ARL2: variants seen among roughly 807,000 people sequenced by gnomAD.
ARL2 encodes ARF like GTPase 2, also known as ADP-ribosylation factor-like protein 2.
ARL2 carries 11 observed loss-of-function variants against 22.0 expected under a neutral mutation model. The ratio of observed to expected loss-of-function variants is 0.50; its 90% CI spans 0.31 to 0.83. The LOEUF is 0.83. ARL2 is among the 40% of genes least tolerant of loss of function. The pLI is 0.04. For missense variants in ARL2, 216 were observed against 243.2 expected, an observed-to-expected ratio of 0.89 and a Z score of 0.74; for synonymous variants, 111 against 100.8, an observed-to-expected ratio of 1.10 and a Z score of -0.61.
At position 65,018,990 on chromosome 11, in the gene ARL2, C is replaced by G. The variant is rs1184323105; in HGVS notation, c.339+257C>G. The G allele has an allele frequency of 8.4e-6, 12 of 1,420,806 alleles. 1 individual carries two copies. The South Asian group carries it at 8.6e-5, about 10-fold the overall frequency. The allele number at this position is 1,420,806 out of a possible 1,614,324, so 88.0% of individuals were successfully genotyped here. On this transcript the variant is annotated intron_variant, in intron 3 of 4. Coordinates refer to ENST00000246747, the MANE Select transcript of ARL2 (RefSeq NM_001667.4). The surrounding 1 kb of genome is among the most constrained non-coding windows in gnomAD (Gnocchi z 4.2). ...GCCTTGAAATGGTGATGATGACACC[C>G]ACATCACTGGGCTTTAGGGAGGATA...
chr11:65,019,740 T>A (rs1299234025), intron 3 of ARL2, among the ~76,000 whole-genome samples: 4 of 152,210 alleles, frequency 2.6e-5, no homozygotes, highest in Admixed American at 6.5e-5. Context: ...TGTGTTCCAA[T>A]GTTTGATTCA....
At chr11:65,014,459 C>T (rs1056329573) in intron 1 of ARL2, among the ~76,000 whole-genome samples, 187 bp downstream of exon 1, 3 of 152,168 alleles carry the variant, frequency 2.0e-5, no homozygotes, top group African/African-American at 7.2e-5. Flanking sequence ...GGGGCAGGGG[C>T]CAGCTCCGAG....
chr11:65,021,925 T>C lies in ARL2; in HGVS notation c.*70T>C. On this transcript the variant is annotated 3_prime_UTR_variant, in exon 5 of 5. Transcript: ENST00000246747. ...TTCACCAAACACTACCCATGGGGGGTTGGGAGTCAGCCGGCCAAACTAACA... is the reference window on the plus strand; with the variant it reads ...TTCACCAAACACTACCCATGGGGGGCTGGGAGTCAGCCGGCCAAACTAACA... 8 of 1,558,576 alleles carry C rather than the reference T, an allele frequency of 5.1e-6. No homozygotes were observed. The highest frequency in any genetic ancestry group is 7.0e-6 in the Non-Finnish European group (8 of 1,150,856).
chr11:65,016,643 CTG>C (rs1289687468), intron 1 of ARL2, among the ~76,000 whole-genome samples: 1 of 151,784 alleles, frequency 6.6e-6, no homozygotes, highest in Non-Finnish European at 1.5e-5. Flanking sequence ...GATGAGAACC[CTG>C]TGTGTGCCTG....
In ARL2 at chr11:65,018,949, G is replaced by C; in HGVS notation, c.339+216G>C. On this transcript the variant is annotated intron_variant, in intron 3 of 4. Coordinates refer to ENST00000246747, the MANE Select transcript of ARL2 (RefSeq NM_001667.4). The surrounding 1 kb of genome is among the most constrained non-coding windows in gnomAD (Gnocchi z 4.2). ...TGTGGTGTTACTACGTCACTACCCT[G>C]AGCATCAGTTTCTATGCCTTGAAAT... 1 of 1,515,954 alleles carries C rather than the reference G, an allele frequency of 6.6e-7. No individual in the cohort carries two copies. Among genetic ancestry groups the C allele is most frequent in the South Asian group, 1.2e-5 (1 of 82,960 alleles). 93.9% of individuals were successfully genotyped at this position (1,515,954 alleles called of 1,614,324 possible).
At chr11:65,016,585 C>A (rs1489032902) in intron 1 of ARL2, among the ~76,000 whole-genome samples, 1 of 151,812 alleles carries the variant, frequency 6.6e-6, no homozygotes. Flanking sequence ...GGTGAGGAAC[C>A]ATTTGCTGAG....
intron 1 of ARL2, 93 bp downstream of exon 1, chr11:65,014,365 C>A: frequency 8.9e-7 from 1 of 1,124,742 alleles, no homozygotes; most frequent in Non-Finnish European, 1.2e-6. Flanking sequence ...ACGCGGCGGC[C>A]GGCGCGTCCC....
Position 65,018,582 on chromosome 11 carries a change from A to C in ARL2, c.188A>C (p.Asn63Thr). 6.2e-7 allele frequency: 1 copy of C among 1,610,574 alleles called. No homozygotes were observed. Residue 63 changes from asparagine (N) to threonine (T), a missense_variant, in exon 3 of 5, where the codon AAC (asparagine) becomes ACC (threonine). By Grantham distance (65) the Asn-to-Thr change is moderately conservative. Transcript: ENST00000246747. This position sits in a 1 kb window ranked among gnomAD's most constrained non-coding sequence, Gnocchi z 4.2. ...KTLEHRGFKL[N>T]IWDVGGQKSL... ...CGCTCCTTGCCCAGATTCAAGCTGA[A>C]CATCTGGGATGTGGGTGGCCAGAAG... is the stretch of plus-strand genomic sequence containing the variant.
At chr11:65,016,268 CGGGGG>C (rs59272641) in intron 1 of ARL2, among the ~76,000 whole-genome samples, 1 of 79,144 alleles carries the variant, frequency 1.3e-5, no homozygotes, top group South Asian at 4.2e-4. Flanking sequence ...TATAGCAATT[CGGGGG>C]GGGGGGAAAC....
At position 65,018,403 on chromosome 11, in the gene ARL2, G is replaced by A; in HGVS notation, c.105G>A (p.Lys35=). 1 of 1,609,302 alleles carries A rather than the reference G, an allele frequency of 6.2e-7. No individual in the cohort carries two copies. The highest frequency in any genetic ancestry group is 2.2e-5 in the East Asian group (1 of 44,798). Residue 35 remains lysine, a synonymous_variant, in exon 2 of 5, where the codon AAG becomes AAA. Transcript: ENST00000246747. The surrounding 1 kb of genome is among the most constrained non-coding windows in gnomAD (Gnocchi z 4.2). ...DNAGKTTILK[K]FNGEDIDTIS... ...CTGGAAAGACAACCATCCTGAAGAA[G>A]TTCAATGGGGAGGACATCGACACCA... is the stretch of plus-strand genomic sequence containing the variant.
In ARL2 at chr11:65,018,781, T is replaced by A. The variant is rs752992346; in HGVS notation, c.339+48T>A. ...GTACATGTATGGACGTGTGGCTGCC[T>A]TCTCAGCAGATGCCCAGAGGGGCCC... On this transcript the variant is annotated intron_variant, in intron 3 of 4. Coordinates refer to ENST00000246747, the MANE Select transcript of ARL2 (RefSeq NM_001667.4). The surrounding 1 kb of genome is among the most constrained non-coding windows in gnomAD (Gnocchi z 4.2). The A allele has an allele frequency of 1.9e-6, 3 of 1,608,314 alleles. No individual in the cohort carries two copies. In the South Asian group the frequency reaches 3.3e-5, roughly 18 times the overall value.
chr11:65,020,132 G>A (rs754201473), intron 3 of ARL2, among the ~76,000 whole-genome samples: 1 of 152,172 alleles, frequency 6.6e-6, no homozygotes, highest in African/African-American at 2.4e-5. Flanking sequence ...ATCATCTTAT[G>A]CAACACCCCT....
chr11:65,016,003 T>C (rs1220582942), intron 1 of ARL2, among the ~76,000 whole-genome samples: 1 of 151,986 alleles, frequency 6.6e-6, no homozygotes. Context: ...GTCAGGAGTT[T>C]TGAGACCAGT....
At chr11:65,014,763 G>A (rs1303442320) in intron 1 of ARL2, among the ~76,000 whole-genome samples, 1 of 152,208 alleles carries the variant, frequency 6.6e-6, no homozygotes, top group African/African-American at 2.4e-5. Context: ...CGCGGCCCGT[G>A]GTTGTCCCTG....
Position 65,020,495 on chromosome 11 carries a change from G to A in ARL2, c.416G>A (p.Arg139His), listed in dbSNP as rs746418004. 99 of 1,608,980 alleles carry A rather than the reference G, an allele frequency of 6.2e-5. No individual in the cohort carries two copies. Among genetic ancestry groups the A allele is most frequent in the Non-Finnish European group, 7.9e-5 (93 of 1,177,444 alleles). ...LPGALSSNAIREVLELDSIRS... is the reference protein window; with the variant it reads ...LPGALSSNAIHEVLELDSIRS... ...GGAGCACTGTCCTCTAACGCCATCC[G>A]CGAGGTGAGTCCAGGCCCCGGGACA... Residue 139 changes from arginine (R) to histidine (H), a missense_variant, in exon 4 of 5, where the codon CGC becomes CAC. Physicochemically the swap from Arg to His is conservative, Grantham distance 29. Transcript: ENST00000246747.
chr11:65,018,438 C>T lies in ARL2; in HGVS notation c.140C>T (p.Thr47Met). The T allele has an allele frequency of 3.7e-6, 6 of 1,609,200 alleles. No homozygotes were observed. The highest frequency in any genetic ancestry group is 2.2e-5 in the East Asian group (1 of 44,754). ...GAGGACATCGACACCATCTCCCCAA[C>T]GCTGGGCTTCAACATCAAGACCCTG... is the stretch of plus-strand genomic sequence containing the variant. ...NGEDIDTISP[T>M]LGFNIKTLEH... Residue 47 changes from threonine (T) to methionine (M), a missense_variant, in exon 2 of 5, where the codon ACG (threonine) becomes ATG (methionine). Physicochemically the swap from Thr to Met is moderately conservative, Grantham distance 81. Coordinates refer to ENST00000246747, the MANE Select transcript of ARL2 (RefSeq NM_001667.4). The surrounding 1 kb of genome is among the most constrained non-coding windows in gnomAD (Gnocchi z 4.2).
chr11:65,016,212 A>AG (rs1217610462), intron 1 of ARL2, among the ~76,000 whole-genome samples: 2 of 147,760 alleles, frequency 1.4e-5, no homozygotes, highest in East Asian at 4.1e-4. Flanking sequence ...TGTTAAAAAA[A>AG]AAAAAAATGA....
chr11:65,014,336 G>GC (rs951858154), intron 1 of ARL2, 64 bp downstream of exon 1: 1 of 1,399,466 alleles, frequency 7.1e-7, no homozygotes, highest in African/African-American at 1.5e-5. Flanking sequence ...GGTGCCGGGC[G>GC]CCCCCTGTCG....
chr11:65,014,425 C>T (rs1424848608), intron 1 of ARL2, among the ~76,000 whole-genome samples, 153 bp downstream of exon 1: 1 of 152,160 alleles, frequency 6.6e-6, no homozygotes, highest in South Asian at 2.1e-4. Flanking sequence ...CCCGTCGGGC[C>T]GGGAGGAGCC....
Sources: allele counts gnomAD v4.1 joint callset (sites outside exome capture counted in the v4.1 genomes callset), GRCh38; gene constraint gnomAD v4.1.1; non-coding constraint Gnocchi (gnomAD v3.1); transcripts MANE v1.5; gene names NCBI Gene and HGNC (gene_info 2026-07-23, HGNC 2026-07-21).